The following ST6GALNAC3 variants were observed in gnomAD, a reference collection of about 807,000 sequenced individuals.
The protein encoded by ST6GALNAC3 is ST6 N-acetylgalactosaminide alpha-2,6-sialyltransferase 3.
Under a neutral mutation model 32.7 loss-of-function variants are expected in ST6GALNAC3, and 25 were observed. The ratio of observed to expected loss-of-function variants is 0.76; its 90% CI spans 0.56 to 1.07. The LOEUF (loss-of-function observed/expected upper bound fraction) is 1.07, where lower values mean the gene tolerates loss of function less well. Among genes scored for constraint, ST6GALNAC3 ranks in the 50% least tolerant of loss-of-function variants. The probability of loss-of-function intolerance (pLI) is 0.00; values close to 1 mark genes in which losing one functional copy is unlikely to be tolerated. For missense variants in ST6GALNAC3, 355 were observed against 382.4 expected (o/e 0.93, Z 0.60); for synonymous variants, 129 against 133.1 (o/e 0.97, Z 0.21).
At chr1:76,561,571 G>T (rs1055765909) in intron 3 of ST6GALNAC3, among the ~76,000 whole-genome samples, 1 of 152,072 alleles carries the variant, frequency 6.6e-6, no homozygotes, top group Non-Finnish European at 1.5e-5. Flanking sequence ...ACCACAATGA[G>T]ATACCACTTC....
intron 1 of ST6GALNAC3, among the ~76,000 whole-genome samples, chr1:76,311,437 C>CA (rs1402177370): frequency 6.6e-6 from 1 of 152,144 alleles, no homozygotes; most frequent in Non-Finnish European, 1.5e-5. Flanking sequence ...CCTAGCCCCC[C>CA]ATTCCCTGAC....
intron 1 of ST6GALNAC3, among the ~76,000 whole-genome samples, chr1:76,124,262 T>C (rs773371861): frequency 1.5e-5 from 2 of 135,046 alleles, no homozygotes; most frequent in Non-Finnish European, 3.4e-5. Context: ...GCTGATGAAA[T>C]GGAGGTAGAG....
intron 2 of ST6GALNAC3, among the ~76,000 whole-genome samples, chr1:76,370,384 A>G (rs1027742334): frequency 6.6e-6 from 1 of 152,160 alleles, no homozygotes; most frequent in Non-Finnish European, 1.5e-5. Flanking sequence ...CTTTCAATTT[A>G]AAGACCTTCC....
chr1:76,136,538 G>A (rs1649960716), intron 1 of ST6GALNAC3, among the ~76,000 whole-genome samples: 2 of 151,754 alleles, frequency 1.3e-5, no homozygotes, highest in African/African-American at 2.4e-5. Context: ...AAATCCCTAA[G>A]AGTACTGTTC....
intron 1 of ST6GALNAC3, among the ~76,000 whole-genome samples, chr1:76,146,495 C>G (rs1392048766): frequency 6.6e-6 from 1 of 152,106 alleles, no homozygotes; most frequent in African/African-American, 2.4e-5. Context: ...ACTTTGACGG[C>G]TCCTCCCCTC....
chr1:76,121,906 G>A (rs755501398), intron 1 of ST6GALNAC3, among the ~76,000 whole-genome samples: 17 of 152,196 alleles, frequency 1.1e-4, no homozygotes, highest in South Asian at 6.2e-4. Context: ...CGCTGTTCCA[G>A]CCCTCTTGCC....
intron 3 of ST6GALNAC3, among the ~76,000 whole-genome samples, chr1:76,456,824 T>C (rs1315537295): frequency 6.6e-6 from 1 of 152,274 alleles, no homozygotes; most frequent in East Asian, 1.9e-4. Flanking sequence ...ACCACTCCTA[T>C]TCAACATAGT....
chr1:76,107,297 CT>C (rs5775324), intron 1 of ST6GALNAC3, among the ~76,000 whole-genome samples: 4,103 of 137,594 alleles, frequency 0.03, 59 homozygotes, highest in South Asian at 0.045. Flanking sequence ...CACACTTTTG[CT>C]TTTTTTTTTT....
chr1:76,306,515 A>G (rs1661061983), intron 1 of ST6GALNAC3, among the ~76,000 whole-genome samples: 1 of 152,116 alleles, frequency 6.6e-6, no homozygotes, highest in Admixed American at 6.6e-5. Flanking sequence ...AGACATGGTT[A>G]TAGTCCAGTA....
At chr1:76,492,821 G>A (rs1215638772) in intron 3 of ST6GALNAC3, among the ~76,000 whole-genome samples, 1 of 152,118 alleles carries the variant, frequency 6.6e-6, no homozygotes, top group Non-Finnish European at 1.5e-5. Context: ...GGGTCCCACA[G>A]ATCTATTGCA....
At chr1:76,191,647 G>T (rs1196209151) in intron 1 of ST6GALNAC3, among the ~76,000 whole-genome samples, 1 of 152,042 alleles carries the variant, frequency 6.6e-6, no homozygotes, top group Non-Finnish European at 1.5e-5. Context: ...CCATAAATAT[G>T]TAAAATTACA....
intron 3 of ST6GALNAC3, among the ~76,000 whole-genome samples, chr1:76,475,808 A>G (rs1659313813): frequency 2.0e-5 from 3 of 152,132 alleles, no homozygotes; most frequent in South Asian, 2.1e-4. Context: ...CCATCAACCC[A>G]TCATCTACAT....
rs543612157 is a variant in ST6GALNAC3 at position 76,406,662 on chromosome 1, A to G, written c.214-5346A>G. On this transcript the variant is annotated intron_variant, in intron 2 of 4. Transcript: ENST00000328299. ...ATGATTTAATTAAAATAATTTAAAT[A>G]TAATAGTGAGCAAGATTTGAGGTAT... Among the ~76,000 whole-genome samples, 9 of 152,212 alleles carry G rather than the reference A, an allele frequency of 5.9e-5. No homozygotes were observed. In the East Asian group the frequency reaches 1.5e-3, roughly 26 times the overall value.
chr1:76,310,290 C>A (rs1366066756), intron 1 of ST6GALNAC3, among the ~76,000 whole-genome samples: 6 of 152,176 alleles, frequency 3.9e-5, no homozygotes, highest in African/African-American at 1.4e-4. Context: ...TCCATCACTT[C>A]ATTAAACTGT....
chr1:76,585,814 A>G (rs998838912), intron 3 of ST6GALNAC3, among the ~76,000 whole-genome samples: 2 of 152,114 alleles, frequency 1.3e-5, no homozygotes, highest in Non-Finnish European at 2.9e-5. Flanking sequence ...GTGGATTTTT[A>G]TTTTACTTAT....
chr1:76,325,088 A>G (rs1647042746), intron 2 of ST6GALNAC3, among the ~76,000 whole-genome samples: 1 of 152,210 alleles, frequency 6.6e-6, no homozygotes, highest in African/African-American at 2.4e-5. Context: ...TTGCTTTTAA[A>G]AAAGGTATTT....
At chr1:76,080,324 G>A (rs1646876108) in intron 1 of ST6GALNAC3, among the ~76,000 whole-genome samples, 1 of 152,166 alleles carries the variant, frequency 6.6e-6, no homozygotes, top group Non-Finnish European at 1.5e-5. Context: ...TATAGACACA[G>A]GTCCAACCTG....
chr1:76,198,216 A>G (rs960841642), intron 1 of ST6GALNAC3, among the ~76,000 whole-genome samples: 1 of 152,084 alleles, frequency 6.6e-6, no homozygotes, highest in Admixed American at 6.6e-5. Context: ...AAAAAAAATT[A>G]GTAGATATGA....
At chr1:76,273,005 G>T (rs1040189137) in intron 1 of ST6GALNAC3, among the ~76,000 whole-genome samples, 1 of 152,068 alleles carries the variant, frequency 6.6e-6, no homozygotes, top group Non-Finnish European at 1.5e-5. Flanking sequence ...CTGTTCAAAG[G>T]GGTCATTCAT....
Sources: allele counts gnomAD v4.1 joint callset (sites outside exome capture counted in the v4.1 genomes callset), GRCh38; gene constraint gnomAD v4.1.1; transcripts MANE v1.5; gene names NCBI Gene and HGNC (gene_info 2026-07-23, HGNC 2026-07-21).